The following PARN variants were observed in gnomAD, a reference collection of about 807,000 sequenced individuals.
PARN encodes the protein poly(A)-specific ribonuclease PARN.
PARN carries 71 observed loss-of-function variants against 102.8 expected under a neutral mutation model. The observed-to-expected ratio is 0.69, with a 90% CI of 0.57 to 0.84. The LOEUF (loss-of-function observed/expected upper bound fraction) is 0.84. Ranked by LOEUF, PARN falls within the 40% of genes least tolerant of loss-of-function variation. The pLI, the probability that PARN is intolerant of heterozygous loss-of-function variation, is 0.00. For synonymous variants in PARN, 261 were observed against 252.9 expected, an observed-to-expected ratio of 1.03 and a Z score of -0.30; for missense variants, 782 against 760.9, an observed-to-expected ratio of 1.03 and a Z score of -0.33.
At chr16:14,569,300 A>G (rs1465248952) in intron 18 of PARN, among the ~76,000 whole-genome samples, 2 of 152,232 alleles carry the variant, frequency 1.3e-5, no homozygotes, top group African/African-American at 2.4e-5. Flanking sequence ...CAAGTTCACT[A>G]CAGTGTAAGT....
intron 11 of PARN, among the ~76,000 whole-genome samples, chr16:14,602,354 C>T (rs1378641310): frequency 6.6e-6 from 1 of 152,092 alleles, no homozygotes; most frequent in Non-Finnish European, 1.5e-5. Flanking sequence ...TCATTCCTCA[C>T]GTACTCTGCA....
intron 21 of PARN, among the ~76,000 whole-genome samples, chr16:14,521,152 T>C (rs1330537396): frequency 6.6e-6 from 1 of 152,252 alleles, no homozygotes; most frequent in East Asian, 1.9e-4. Context: ...TTCTGTAATG[T>C]ACACTTTGGC....
chr16:14,457,133 C>T (rs564671652), intron 22 of PARN, among the ~76,000 whole-genome samples: 5 of 152,178 alleles, frequency 3.3e-5, no homozygotes, highest in Non-Finnish European at 5.9e-5. Flanking sequence ...CAACAAATTG[C>T]TTATTTTATC....
chr16:14,446,816 C>T (rs1026137057), intron 23 of PARN, 72 bp downstream of exon 23: 1 of 1,074,890 alleles, frequency 9.3e-7, no homozygotes, highest in Non-Finnish European at 1.3e-6. Context: ...ATAATTTCTC[C>T]CCCAAAATAG....
intron 6 of PARN, among the ~76,000 whole-genome samples, chr16:14,614,344 G>T (rs1035210130): frequency 6.6e-6 from 1 of 152,156 alleles, no homozygotes; most frequent in African/African-American, 2.4e-5. Flanking sequence ...GAGGACTAAA[G>T]AGAGATAGAA....
At chr16:14,567,475 G>A (rs778303691) in intron 18 of PARN, among the ~76,000 whole-genome samples, 2 of 152,174 alleles carry the variant, frequency 1.3e-5, no homozygotes, top group Non-Finnish European at 2.9e-5. Flanking sequence ...ATGATAAGCT[G>A]TGCTGCCTAG....
intron 18 of PARN, among the ~76,000 whole-genome samples, chr16:14,579,370 C>T (rs970266563): frequency 1.4e-4 from 21 of 152,160 alleles, no homozygotes; most frequent in Admixed American, 2.0e-4. Context: ...AGTTTGCATC[C>T]AACATCTGAT....
chr16:14,477,546 G>A (rs1253117506), intron 22 of PARN, among the ~76,000 whole-genome samples: 4 of 151,356 alleles, frequency 2.6e-5, no homozygotes, highest in Non-Finnish European at 4.4e-5. Context: ...GGGAGGCCAA[G>A]GCGGGTGGAT....
intron 19 of PARN, among the ~76,000 whole-genome samples, chr16:14,554,642 C>T (rs1457872834): frequency 6.6e-6 from 1 of 151,568 alleles, no homozygotes; most frequent in Non-Finnish European, 1.5e-5. Flanking sequence ...GGGGGTCTCG[C>T]TATGCTGCCC....
chr16:14,476,757 G>C (rs998409162), intron 22 of PARN, among the ~76,000 whole-genome samples: 6 of 152,208 alleles, frequency 3.9e-5, no homozygotes, highest in African/African-American at 1.4e-4. Context: ...TGTGAGCCAC[G>C]TGGGCCGGAT....
At chr16:14,542,992 G>C (rs914232663) in intron 21 of PARN, among the ~76,000 whole-genome samples, 1 of 152,038 alleles carries the variant, frequency 6.6e-6, no homozygotes, top group Non-Finnish European at 1.5e-5. Flanking sequence ...AACCCCAACA[G>C]GACAATTGCA....
At chr16:14,574,437 G>A (rs903654773) in intron 18 of PARN, among the ~76,000 whole-genome samples, 5 of 152,108 alleles carry the variant, frequency 3.3e-5, no homozygotes, top group African/African-American at 4.8e-5. Context: ...AATCCTGGCC[G>A]GGCATGGTGG....
chr16:14,502,142 A>C (rs1964655352), intron 21 of PARN, among the ~76,000 whole-genome samples: 1 of 152,170 alleles, frequency 6.6e-6, no homozygotes, highest in Admixed American at 6.5e-5. Context: ...CTTTGAACTG[A>C]GATGCTTTCC....
chr16:14,439,952 T>C (rs1567280364), intron 23 of PARN, among the ~76,000 whole-genome samples: 1 of 151,660 alleles, frequency 6.6e-6, no homozygotes, highest in Admixed American at 6.6e-5. Flanking sequence ...GAGGCGGAGG[T>C]TGCAGTGAGC....
chr16:14,447,012 G>A lies in PARN; in HGVS notation c.1740C>T (p.Asp580=), dbSNP rs754436480. Residue 580 remains aspartate, a synonymous_variant, in exon 23 of 24, where the codon GAC becomes GAT. Transcript: ENST00000437198. ...TGTCGGAAATCTCCCCTGACACTCC[G>A]TCCTCCAGGCCAGCTTCCTCTTGAC... ...SPSQEEAGLE[D]GVSGEISDTE... The A allele has an allele frequency of 8.7e-6, 14 of 1,613,518 alleles. No individual in the cohort carries two copies. In the Admixed American group the frequency reaches 1.0e-4, roughly 12 times the overall value.
intron 7 of PARN, 80 bp downstream of exon 7, chr16:14,610,564 G>T: frequency 1.2e-6 from 1 of 832,342 alleles, no homozygotes; most frequent in Non-Finnish European, 2.0e-6. Flanking sequence ...TGTTTGTAAA[G>T]CACAGGTTTG....
intron 15 of PARN, 26 bp from the exon 16 acceptor site, chr16:14,584,448 T>C (rs760256261): frequency 1.3e-6 from 2 of 1,577,452 alleles, no homozygotes; most frequent in Non-Finnish European, 1.7e-6. Context: ...CAAAGAATTA[T>C]GAGATTTCAT....
Position 14,627,113 on chromosome 16 carries a change from A to G in PARN, c.320T>C (p.Val107Ala). 1 of 1,587,276 alleles carries G rather than the reference A, an allele frequency of 6.3e-7. No individual in the cohort carries two copies. The highest frequency in any genetic ancestry group is 8.6e-7 in the Non-Finnish European group (1 of 1,157,548). ...FNRSSPDVKF[V>A]CQSSSIDFLA... ...CTCAATTATGCTACTTACCTGACAA[A>G]CAAATTTGACATCTGGTGAGGATCT... Residue 107 changes from valine to alanine, a missense_variant, in exon 5 of 24, where the codon GTT becomes GCT. By Grantham distance (64) the Val-to-Ala change is moderately conservative (BLOSUM62 0). Transcript: ENST00000437198.
In PARN at chr16:14,436,684, C is replaced by G. The variant is rs1365099715; in HGVS notation, c.*33G>C. 2 of 1,530,228 alleles carry G rather than the reference C, an allele frequency of 1.3e-6. No homozygotes were observed. Among genetic ancestry groups the G allele is most frequent in the Middle Eastern group, 3.4e-4 (2 of 5,930 alleles). The allele number at this position is 1,530,228 out of a possible 1,614,324, so 94.8% of individuals were successfully genotyped here. A position where few individuals can be genotyped will look rare whatever the true frequency, so the allele number is the denominator to read the frequency against. Reference sequence around the variant, plus strand: ...GCCAGCCGGCTCTTGCTCACAGCGACAGCACCAGCGGTTTGCTGCCCTCAG... The same window carrying G: ...GCCAGCCGGCTCTTGCTCACAGCGAGAGCACCAGCGGTTTGCTGCCCTCAG... On this transcript the variant is annotated 3_prime_UTR_variant, in exon 24 of 24. Coordinates refer to ENST00000437198, the MANE Select transcript of PARN (RefSeq NM_002582.4).
Sources: allele counts gnomAD v4.1 joint callset (sites outside exome capture counted in the v4.1 genomes callset), GRCh38; gene constraint gnomAD v4.1.1; transcripts MANE v1.5; gene names NCBI Gene and HGNC (gene_info 2026-07-23, HGNC 2026-07-21).